TENM3: variants seen among roughly 807,000 people sequenced by gnomAD.
TENM3 encodes the protein teneurin transmembrane protein 3, also known as teneurin-3.
In TENM3, 63 loss-of-function variants were observed where a neutral mutation model predicts 255.1. The observed-to-expected ratio is 0.25, with a 90% confidence interval of 0.20 to 0.30. The LOEUF (loss-of-function observed/expected upper bound fraction) is 0.30, where lower values mean the gene tolerates loss of function less well. Among genes scored for constraint, TENM3 ranks in the 10% least tolerant of loss-of-function variants. The pLI is 1.00. For missense variants in TENM3, 2,929 were observed against 3,461.1 expected (o/e 0.85, Z 3.86); for synonymous variants, 1,306 against 1,322.3 (o/e 0.99, Z 0.27).
chr4:182,739,822 C>T (rs567137897), intron 18 of TENM3, among the ~76,000 whole-genome samples: 38 of 152,220 alleles, frequency 2.5e-4, no homozygotes, highest in African/African-American at 8.9e-4. Flanking sequence ...GATCACTTGA[C>T]GTCAGGAGTT....
the TENM3 span, among the ~76,000 whole-genome samples, chr4:181,871,571 T>C: frequency 6.6e-6 from 1 of 152,132 alleles, no homozygotes; most frequent in African/African-American, 2.4e-5. Context: ...CTTATTGTAC[T>C]GTCTCAGACT....
chr4:182,013,028 A>G, the TENM3 span, among the ~76,000 whole-genome samples: 2 of 152,130 alleles, frequency 1.3e-5, no homozygotes, highest in African/African-American at 4.8e-5. Flanking sequence ...AAAAACAAAA[A>G]CGAAAAACCC....
intron 3 of TENM3, among the ~76,000 whole-genome samples, chr4:182,448,249 C>T (rs1230540015): frequency 6.6e-6 from 1 of 152,214 alleles, no homozygotes; most frequent in Non-Finnish European, 1.5e-5. Context: ...GAGAAAGTGG[C>T]GGAGAGGCGG....
chr4:182,629,081 A>T (rs1341207178), intron 5 of TENM3, among the ~76,000 whole-genome samples, 192 bp downstream of exon 5: 1 of 152,194 alleles, frequency 6.6e-6, no homozygotes, highest in African/African-American at 2.4e-5. Context: ...ATAGAAAAGC[A>T]GGTTTTGTGG....
the TENM3 span, among the ~76,000 whole-genome samples, chr4:181,453,507 T>C: frequency 6.6e-6 from 1 of 152,032 alleles, no homozygotes; most frequent in African/African-American, 2.4e-5. Flanking sequence ...AGTGATTGGG[T>C]TGGAGACATC....
intron 12 of TENM3, among the ~76,000 whole-genome samples, chr4:182,705,625 C>T (rs1306225364): frequency 6.6e-6 from 1 of 152,156 alleles, no homozygotes; most frequent in Non-Finnish European, 1.5e-5. Context: ...TGTTGCTTCT[C>T]TGTGTTTATG....
At chr4:182,733,889 G>A (rs1760968943) in intron 16 of TENM3, among the ~76,000 whole-genome samples, 1 of 152,154 alleles carries the variant, frequency 6.6e-6, no homozygotes, top group South Asian at 2.1e-4. Context: ...CTGTCTGTAG[G>A]TGCCAAATTT....
chr4:181,560,129 A>C, the TENM3 span, among the ~76,000 whole-genome samples: 12 of 152,202 alleles, frequency 7.9e-5, no homozygotes, highest in Non-Finnish European at 1.6e-4. Flanking sequence ...GGAGGCTGGG[A>C]AGTTCAAGGT....
At position 182,601,577 on chromosome 4, in the gene TENM3, C is replaced by T. The variant is rs77925436; in HGVS notation, c.749+416C>T. On this transcript the variant is annotated intron_variant, in intron 4 of 27. Coordinates refer to ENST00000511685, the MANE Select transcript of TENM3 (RefSeq NM_001080477.4). ...TTCTCAGACTATATTTTGTTCATTACATCATATATTCATAGTGGAGCCCCA... is the reference window on the plus strand; with the variant it reads ...TTCTCAGACTATATTTTGTTCATTATATCATATATTCATAGTGGAGCCCCA... 1.4e-3 allele frequency among the ~76,000 whole-genome samples: 214 copies of T among 152,254 alleles called. 2 individuals carry two copies. Among genetic ancestry groups the T allele is most frequent in the African/African-American group, 4.4e-3 (184 of 41,542 alleles).
intron 25 of TENM3, among the ~76,000 whole-genome samples, chr4:182,790,978 C>A (rs768923348): frequency 5.3e-5 from 8 of 151,994 alleles, no homozygotes; most frequent in Non-Finnish European, 1.2e-4. Context: ...TCTCCCAAAA[C>A]CCATCAAATC....
At chr4:182,185,990 A>G (rs1197730365) in intron 1 of TENM3, among the ~76,000 whole-genome samples, 1 of 152,236 alleles carries the variant, frequency 6.6e-6, no homozygotes, top group African/African-American at 2.4e-5. Context: ...TAATTAAAGT[A>G]ATGGATTCTA....
chr4:182,621,050 G>A (rs986053352), intron 4 of TENM3, among the ~76,000 whole-genome samples: 3 of 152,072 alleles, frequency 2.0e-5, no homozygotes, highest in Middle Eastern at 3.4e-3. Flanking sequence ...ACATGGTGGC[G>A]GGCGCCTGTA....
chr4:182,531,083 T>C (rs1739733404), intron 3 of TENM3, among the ~76,000 whole-genome samples: 2 of 151,722 alleles, frequency 1.3e-5, no homozygotes, highest in Non-Finnish European at 2.9e-5. Flanking sequence ...CTGGGAGTGG[T>C]TGGAGGAGAA....
intron 6 of TENM3, among the ~76,000 whole-genome samples, chr4:182,670,568 A>C (rs1177402326): frequency 1.3e-5 from 2 of 152,288 alleles, no homozygotes; most frequent in East Asian, 3.9e-4. Context: ...CAGAACCTTT[A>C]ATGGGTCTCC....
chr4:181,909,434 T>C, the TENM3 span, among the ~76,000 whole-genome samples: 1 of 152,094 alleles, frequency 6.6e-6, no homozygotes, highest in Non-Finnish European at 1.5e-5. Flanking sequence ...AGAGACACAG[T>C]CCCTACTCAG....
chr4:182,716,279 A>C (rs769653315), intron 13 of TENM3, among the ~76,000 whole-genome samples: 1 of 152,228 alleles, frequency 6.6e-6, no homozygotes, highest in Admixed American at 6.5e-5. Context: ...AAGTCTGCAG[A>C]GACACTGCCG....
chr4:181,892,800 C>T, the TENM3 span, among the ~76,000 whole-genome samples: 1 of 152,180 alleles, frequency 6.6e-6, no homozygotes, highest in Non-Finnish European at 1.5e-5. Context: ...CTGAATGACA[C>T]ATACAGGCTG....
the TENM3 span, among the ~76,000 whole-genome samples, chr4:181,741,483 G>GTAAAACAGTGTAAAAGTGTT: frequency 2.6e-5 from 4 of 152,086 alleles, no homozygotes; most frequent in African/African-American, 9.7e-5. Context: ...AAAAAAAGGA[G>GTAAAACAGTGTAAAAGTGTT]CCATATGTTC....
At chr4:181,517,477 C>A in the TENM3 span, among the ~76,000 whole-genome samples, 1 of 152,156 alleles carries the variant, frequency 6.6e-6, no homozygotes, top group African/African-American at 2.4e-5. Flanking sequence ...CCCTGCAGAG[C>A]CAGGCTGTAC....
Sources: gnomAD v4.1 joint callset for allele counts (sites outside exome capture counted in the v4.1 genomes callset) on GRCh38, gnomAD v4.1.1 for gene constraint, MANE v1.5 for transcripts, NCBI Gene and HGNC (gene_info 2026-07-23, HGNC 2026-07-21) for gene names.